The following CDH2 variants were observed in gnomAD, a reference collection of about 807,000 sequenced individuals.
CDH2 encodes cadherin 2, also known as cadherin-2.
CDH2 carries 17 observed loss-of-function variants against 92.0 expected under a neutral mutation model. That is an observed-to-expected ratio of 0.18 (90% CI 0.13 to 0.28). The LOEUF is 0.28. Ranked by LOEUF, CDH2 falls within the 10% of genes least tolerant of loss-of-function variation. The pLI is 1.00. For synonymous variants in CDH2, 419 were observed against 415.9 expected (o/e 1.01, Z -0.09); for missense variants, 862 against 1,133.1 (o/e 0.76, Z 3.44).
chr18:28,144,412 T>C (rs2144321273), intron 2 of CDH2, among the ~76,000 whole-genome samples: 1 of 152,072 alleles, frequency 6.6e-6, no homozygotes, highest in Admixed American at 6.6e-5. Context: ...CAATATATTA[T>C]GAAATTAAAT....
In CDH2 at chr18:27,934,566, C is replaced by A. The variant is rs542749026; in HGVS notation, c.1152-1442G>T. On this transcript the variant is annotated intron_variant, in intron 6 of 6. Transcript: ENST00000675173. The stretch of plus-strand genomic sequence containing the variant: ...AGCATCTCCCTTAAAGGGCAATATA[C>A]TAATTTTAATAATACATTTATTAGA... Among the ~76,000 whole-genome samples, 56 of 152,256 alleles carry A rather than the reference C, an allele frequency of 3.7e-4. 1 individual carries two copies. The highest frequency in any genetic ancestry group is 3.5e-3 in the Admixed American group (54 of 15,284).
In CDH2 at chr18:28,124,269, G is replaced by T. The variant is rs976738579; in HGVS notation, c.172+23404C>A. Among the ~76,000 whole-genome samples, 13 of 152,138 alleles carry T rather than the reference G, an allele frequency of 8.5e-5. No homozygotes were observed. In the East Asian group the frequency reaches 2.5e-3, roughly 29 times the overall value. On this transcript the variant is annotated intron_variant, in intron 2 of 15. Coordinates refer to ENST00000269141, the MANE Select transcript of CDH2 (RefSeq NM_001792.5). Reference sequence around the variant, plus strand: ...GCTCATTTTCATTTTCATTTGGAAGGACATTATTTTCTTTAGTCAAACTCA... The same window carrying T: ...GCTCATTTTCATTTTCATTTGGAAGTACATTATTTTCTTTAGTCAAACTCA...
At chr18:28,074,637 T>C (rs1406515937) in intron 2 of CDH2, among the ~76,000 whole-genome samples, 1 of 151,994 alleles carries the variant, frequency 6.6e-6, no homozygotes, top group Non-Finnish European at 1.5e-5. Context: ...TAGTTTTATA[T>C]TTTACATGTT....
intron 2 of CDH2, among the ~76,000 whole-genome samples, chr18:28,021,517 C>CAT (rs2013410007): frequency 6.6e-6 from 1 of 151,866 alleles, no homozygotes; most frequent in Admixed American, 6.6e-5. Context: ...GCATAGTTTA[C>CAT]ATATATCAGA....
At chr18:28,095,683 G>C (rs1003273751) in intron 2 of CDH2, among the ~76,000 whole-genome samples, 1 of 151,724 alleles carries the variant, frequency 6.6e-6, no homozygotes, top group African/African-American at 2.4e-5. Flanking sequence ...GATGGCACAC[G>C]CTAGTGGTCC....
intron 2 of CDH2, among the ~76,000 whole-genome samples, chr18:28,106,125 T>A (rs1251924206): frequency 6.6e-6 from 1 of 152,174 alleles, no homozygotes; most frequent in Non-Finnish European, 1.5e-5. Context: ...GATAAGAAAG[T>A]GTTATATCTG....
At chr18:28,106,712 T>C (rs2015328980) in intron 2 of CDH2, among the ~76,000 whole-genome samples, 1 of 152,190 alleles carries the variant, frequency 6.6e-6, no homozygotes, top group Non-Finnish European at 1.5e-5. Flanking sequence ...CTTTTTACTA[T>C]ATGATGGTAA....
At chr18:28,170,492 C>T (rs537959144) in intron 1 of CDH2, among the ~76,000 whole-genome samples, 1 of 152,138 alleles carries the variant, frequency 6.6e-6, no homozygotes, top group African/African-American at 2.4e-5. Context: ...ATTACGGGTG[C>T]CTACCATCAT....
rs2012402201 is a variant in CDH2, at chr18:27,991,155, G to A, written c.1345-805C>T. Among the ~76,000 whole-genome samples, 2 of 152,134 alleles carry A rather than the reference G, an allele frequency of 1.3e-5. 1 individual carries two copies. Among genetic ancestry groups the A allele is most frequent in the South Asian group, 4.1e-4 (2 of 4,826 alleles). On this transcript the variant is annotated intron_variant, in intron 9 of 15. Transcript: ENST00000269141. ...TTACCAGGAGTCAAATGACTAGACT[G>A]GACATTCACTCTTAATTTTCCTTGT...
intron 14 of CDH2, among the ~76,000 whole-genome samples, chr18:27,967,742 A>AT (rs142845848): frequency 0.03 from 4,524 of 151,778 alleles, 98 homozygotes; most frequent in African/African-American, 0.05. Context: ...AGTAACTTAA[A>AT]TTTTTTTTTG....
chr18:28,097,758 C>T lies in CDH2; in HGVS notation c.172+49915G>A, dbSNP rs538428698. On this transcript the variant is annotated intron_variant, in intron 2 of 15. Transcript: ENST00000269141. Reference sequence around the variant, plus strand: ...CCTGGAACCAATCCTCTGAGAATACCGAGGGACATCTGTACTATGCATTGC... The same window carrying T: ...CCTGGAACCAATCCTCTGAGAATACTGAGGGACATCTGTACTATGCATTGC... 6.6e-5 allele frequency among the ~76,000 whole-genome samples: 10 copies of T among 152,030 alleles called. 1 individual carries two copies. The highest frequency in any genetic ancestry group is 2.2e-4 in the African/African-American group (9 of 41,474).
chr18:28,145,778 A>G (rs1023210207), intron 2 of CDH2, among the ~76,000 whole-genome samples: 9 of 152,032 alleles, frequency 5.9e-5, no homozygotes, highest in East Asian at 1.9e-4. Flanking sequence ...ATCCTTTAAC[A>G]TATTCTGAGA....
At chr18:28,090,324 T>A (rs1599093099) in intron 2 of CDH2, among the ~76,000 whole-genome samples, 1 of 152,204 alleles carries the variant, frequency 6.6e-6, no homozygotes, top group South Asian at 2.1e-4. Flanking sequence ...ATGTGTGGCA[T>A]TGGCTGACGT....
intron 2 of CDH2, among the ~76,000 whole-genome samples, chr18:28,099,547 A>G (rs1472547774): frequency 3.3e-5 from 5 of 152,212 alleles, no homozygotes; most frequent in African/African-American, 7.2e-5. Flanking sequence ...ATAAAATGTT[A>G]TAACTACACA....
intron 3 of CDH2, 84 bp downstream of exon 3, chr18:28,013,599 T>C (rs1031462742): frequency 3.3e-6 from 3 of 915,408 alleles, no homozygotes; most frequent in African/African-American, 1.6e-5. Flanking sequence ...TCCATTAATG[T>C]GGTCTGAAGC....
chr18:28,074,501 C>T (rs2014680573), intron 2 of CDH2, among the ~76,000 whole-genome samples: 1 of 152,098 alleles, frequency 6.6e-6, no homozygotes, highest in African/African-American at 2.4e-5. Flanking sequence ...CCGCATCAGC[C>T]TCCCAAAGTG....
chr18:28,126,406 A>T (rs1299931512), intron 2 of CDH2, among the ~76,000 whole-genome samples: 2 of 152,136 alleles, frequency 1.3e-5, no homozygotes, highest in Non-Finnish European at 2.9e-5. Flanking sequence ...TCTTCTATTT[A>T]CTCATTGGGT....
chr18:27,979,081 T>C (rs1049071889), intron 14 of CDH2, among the ~76,000 whole-genome samples: 1 of 152,026 alleles, frequency 6.6e-6, no homozygotes, highest in African/African-American at 2.4e-5. Flanking sequence ...AAAAAAGCTA[T>C]AGAATGAGAG....
At chr18:27,935,195 G>T (rs533574147) in intron 6 of CDH2, among the ~76,000 whole-genome samples, 3 of 152,190 alleles carry the variant, frequency 2.0e-5, no homozygotes. Context: ...CTGAGACTGG[G>T]TGATTGATAA....
Sources: allele counts gnomAD v4.1 joint callset (sites outside exome capture counted in the v4.1 genomes callset), GRCh38; gene constraint gnomAD v4.1.1; transcripts MANE v1.5; gene names NCBI Gene and HGNC (gene_info 2026-07-23, HGNC 2026-07-21).